The following CNTNAP5 variants were observed in gnomAD, a reference collection of about 807,000 sequenced individuals.
CNTNAP5 encodes the protein contactin associated protein family member 5, also known as contactin-associated protein-like 5.
Under a neutral mutation model 150.2 loss-of-function variants are expected in CNTNAP5, and 72 were observed. That is an observed-to-expected ratio of 0.48 (90% confidence interval 0.40 to 0.58). The LOEUF (loss-of-function observed/expected upper bound fraction) is 0.58, where lower values mean the gene tolerates loss of function less well. CNTNAP5 is among the 20% of genes least tolerant of loss of function. The pLI is 0.00. For synonymous variants in CNTNAP5, 672 were observed against 619.8 expected, an observed-to-expected ratio of 1.08 and a Z score of -1.25; for missense variants, 1,636 against 1,626.2, an observed-to-expected ratio of 1.01 and a Z score of -0.10.
intron 22 of CNTNAP5, among the ~76,000 whole-genome samples, chr2:124,909,355 C>G (rs1387741632): frequency 2.0e-5 from 3 of 152,156 alleles, no homozygotes; most frequent in African/African-American, 7.2e-5. Flanking sequence ...GGGCAATAGT[C>G]TATACTACAT....
chr2:124,624,844 A>C (rs1257169400), intron 12 of CNTNAP5, among the ~76,000 whole-genome samples: 2 of 152,206 alleles, frequency 1.3e-5, no homozygotes, highest in Non-Finnish European at 2.9e-5. Flanking sequence ...TGAATTTTGT[A>C]GTAGAAGCAG....
intron 16 of CNTNAP5, among the ~76,000 whole-genome samples, chr2:124,768,309 GTA>G (rs746166135): frequency 2.9e-5 from 4 of 136,364 alleles, no homozygotes; most frequent in African/African-American, 5.6e-5. Context: ...GTGTGTGTGT[GTA>G]TATGTATGTT....
intron 3 of CNTNAP5, among the ~76,000 whole-genome samples, chr2:124,357,055 C>T (rs1690031307): frequency 6.6e-6 from 1 of 152,142 alleles, no homozygotes; most frequent in Non-Finnish European, 1.5e-5. Flanking sequence ...CTCTGATGGC[C>T]AGTGATGATG....
intron 19 of CNTNAP5, among the ~76,000 whole-genome samples, chr2:124,848,136 C>T (rs1258028117): frequency 6.6e-6 from 1 of 152,154 alleles, no homozygotes; most frequent in African/African-American, 2.4e-5. Context: ...ATTGCCTGAA[C>T]TTGTTCACTT....
chr2:124,509,540 T>G (rs1558932859), intron 8 of CNTNAP5, among the ~76,000 whole-genome samples: 1 of 152,178 alleles, frequency 6.6e-6, no homozygotes, highest in Non-Finnish European at 1.5e-5. Flanking sequence ...CTCATAAAAC[T>G]TTATCAGGCG....
chr2:124,714,716 TATA>T (rs945558745), intron 13 of CNTNAP5, among the ~76,000 whole-genome samples: 17 of 151,588 alleles, frequency 1.1e-4, no homozygotes, highest in African/African-American at 3.9e-4. Flanking sequence ...CTATATATTG[TATA>T]ATAATATTTA....
chr2:124,680,529 G>T (rs1226990379), intron 13 of CNTNAP5, among the ~76,000 whole-genome samples: 2 of 151,766 alleles, frequency 1.3e-5, no homozygotes, highest in Non-Finnish European at 2.9e-5. Context: ...CCTTCACTTT[G>T]GTTTCTCTAG....
intron 13 of CNTNAP5, among the ~76,000 whole-genome samples, chr2:124,731,503 T>C (rs1340169816): frequency 2.6e-5 from 4 of 151,390 alleles, no homozygotes; most frequent in Non-Finnish European, 5.9e-5. Context: ...GGAAGGAATA[T>C]GGGGAGATCA....
At chr2:124,211,983 A>G (rs1327494361) in intron 1 of CNTNAP5, among the ~76,000 whole-genome samples, 1 of 152,200 alleles carries the variant, frequency 6.6e-6, no homozygotes, top group Non-Finnish European at 1.5e-5. Context: ...GCCCCATTGT[A>G]TTCAAAAAAG....
chr2:124,790,186 C>G (rs1037687169), intron 18 of CNTNAP5, 45 bp downstream of exon 18: 1 of 1,541,686 alleles, frequency 6.5e-7, no homozygotes, highest in African/African-American at 1.4e-5. Flanking sequence ...TGCTGTATCA[C>G]CTATACGCTA....
intron 3 of CNTNAP5, among the ~76,000 whole-genome samples, chr2:124,305,677 A>T (rs1688671148): frequency 6.6e-6 from 1 of 152,160 alleles, no homozygotes; most frequent in South Asian, 2.1e-4. Flanking sequence ...CTTGTTATAA[A>T]AGTGAGTTTG....
chr2:124,478,881 C>T (rs537915613), intron 7 of CNTNAP5, among the ~76,000 whole-genome samples: 17 of 152,294 alleles, frequency 1.1e-4, no homozygotes, highest in African/African-American at 3.6e-4. Context: ...TCAAGGCCCA[C>T]GGAAGCTCCA....
chr2:124,786,352 G>GAAAGGAAGAAAGAAAGA (rs1681572712), intron 17 of CNTNAP5, among the ~76,000 whole-genome samples: 1 of 59,156 alleles, frequency 1.7e-5, no homozygotes, highest in African/African-American at 7.3e-5. Flanking sequence ...AGAAAGAAAG[G>GAAAGGAAGAAAGAAAGA]AAGAAAGAAA....
At chr2:124,040,621 C>CTGTGTGTGTG (rs58364625) in intron 1 of CNTNAP5, among the ~76,000 whole-genome samples, 14,203 of 145,028 alleles carry the variant, frequency 0.098, 816 homozygotes, top group Non-Finnish European at 0.13. Flanking sequence ...CTGTATGCCT[C>CTGTGTGTGTG]TGTGTGTGTG....
At chr2:124,354,692 G>T (rs1301546667) in intron 3 of CNTNAP5, among the ~76,000 whole-genome samples, 1 of 152,114 alleles carries the variant, frequency 6.6e-6, no homozygotes, top group Non-Finnish European at 1.5e-5. Context: ...CGTATTTCCT[G>T]GGGCAAGGTC....
At position 124,914,175 on chromosome 2, in the gene CNTNAP5, C is replaced by A. The variant is rs186371359; in HGVS notation, c.3811C>A (p.Arg1271Ser). Residue 1271 changes from arginine (R) to serine (S), a missense_variant, in exon 24 of 24, where the codon CGT becomes AGT. Arg to Ser is a moderately radical substitution (Grantham distance 110). Transcript: ENST00000682447. ...RFLYQHKQSH[R>S]TSQMKEKEYP... ...CCTCTACCAGCACAAGCAGTCACAT[C>A]GTACGAGCCAGATGAAGGAGAAGGA... The A allele has an allele frequency of 1.9e-6, 3 of 1,612,176 alleles. No homozygotes were observed. Among genetic ancestry groups the A allele is most frequent in the Admixed American group, 1.7e-5 (1 of 59,882 alleles).
intron 6 of CNTNAP5, among the ~76,000 whole-genome samples, chr2:124,457,463 A>G (rs899926637): frequency 1.3e-5 from 2 of 152,038 alleles, no homozygotes; most frequent in African/African-American, 4.8e-5. Context: ...AATTAGCAAG[A>G]AAAAAAAGAA....
intron 1 of CNTNAP5, among the ~76,000 whole-genome samples, chr2:124,190,581 G>A (rs766065078): frequency 1.3e-5 from 2 of 152,072 alleles, no homozygotes; most frequent in South Asian, 2.1e-4. Context: ...AAAGAAAACC[G>A]AAAGCTCAAT....
At chr2:124,054,887 GAGA>G (rs1333586155) in intron 1 of CNTNAP5, among the ~76,000 whole-genome samples, 2 of 152,166 alleles carry the variant, frequency 1.3e-5, no homozygotes, top group African/African-American at 2.4e-5. Context: ...AGGGCAAAAA[GAGA>G]AGCTCTCTCT....
Sources: allele counts gnomAD v4.1 joint callset (sites outside exome capture counted in the v4.1 genomes callset), GRCh38; gene constraint gnomAD v4.1.1; transcripts MANE v1.5; gene names NCBI Gene and HGNC (gene_info 2026-07-23, HGNC 2026-07-21).